Variants in THSD7A observed in about 807,000 individuals in gnomAD.
THSD7A encodes thrombospondin type 1 domain containing 7A.
Under a neutral mutation model 231.3 loss-of-function variants are expected in THSD7A, and 96 were observed. The observed-to-expected ratio is 0.41, with a 90% CI of 0.35 to 0.49. THSD7A has a LOEUF of 0.49. THSD7A is among the 20% of genes least tolerant of loss of function. The probability of loss-of-function intolerance (pLI) is 0.05; values close to 1 mark genes in which losing one functional copy is unlikely to be tolerated. For synonymous variants in THSD7A, 940 were observed against 743.3 expected, an observed-to-expected ratio of 1.26 and a Z score of -4.30; for missense variants, 2,290 against 2,070.2, an observed-to-expected ratio of 1.11 and a Z score of -2.06.
chr7:11,743,687 G>C (rs1287394082), intron 1 of THSD7A, among the ~76,000 whole-genome samples: 1 of 141,474 alleles, frequency 7.1e-6, no homozygotes, highest in East Asian at 2.0e-4. Flanking sequence ...TTAACTCCAG[G>C]ACAATACTCT....
Position 11,644,657 on chromosome 7 carries a change from TTAAATC to T in THSD7A, c.191-7702_191-7697del, listed in dbSNP as rs1782213549. Among the ~76,000 whole-genome samples the T allele has an allele frequency of 1.3e-5, 2 of 151,962 alleles. 1 individual carries two copies. Among genetic ancestry groups the T allele is most frequent in the African/African-American group, 4.8e-5 (2 of 41,420 alleles). On this transcript the variant is annotated intron_variant, in intron 1 of 27. Coordinates refer to ENST00000423059, the MANE Select transcript of THSD7A (RefSeq NM_015204.3). ...CATGTACAAAATTAGAACAGGCTGT[TTAAATC>T]TGATGAGAAAATGAATGAGGAATCA...
intron 13 of THSD7A, among the ~76,000 whole-genome samples, chr7:11,439,361 G>A (rs184005110): frequency 3.3e-5 from 5 of 151,964 alleles, no homozygotes; most frequent in East Asian, 1.9e-4. Context: ...CAAATCTATC[G>A]GTGCCATTTT....
Position 11,481,860 on chromosome 7 carries a change from T to A in THSD7A, c.1945A>T (p.Thr649Ser), listed in dbSNP as rs775325371. The part of the protein sequence containing the change: ...TWSTWSSCSH[T>S]CSGKTTEGKQ... ...CCTTCTGTCGTTTTCCCTGAGCAGG[T>A]GTGTGAGCAGGAGGACCACGTAGAC... The change falls in exon 7 of 28, where the codon ACC becomes TCC. Residue 649 changes from threonine to serine, a missense_variant. By Grantham distance (58) the Thr-to-Ser change is moderately conservative. Coordinates refer to ENST00000423059, the MANE Select transcript of THSD7A (RefSeq NM_015204.3). 1.9e-6 allele frequency: 3 copies of A among 1,613,652 alleles called. No homozygotes were observed. Among genetic ancestry groups the A allele is most frequent in the East Asian group, 4.5e-5 (2 of 44,840 alleles).
chr7:11,440,811 A>G (rs967869774), intron 13 of THSD7A, among the ~76,000 whole-genome samples: 1 of 152,078 alleles, frequency 6.6e-6, no homozygotes, highest in Admixed American at 6.6e-5. Context: ...TGTTGAAATG[A>G]CAACAAAGAA....
At chr7:11,486,514 C>T (rs895760839) in intron 6 of THSD7A, among the ~76,000 whole-genome samples, 2 of 152,144 alleles carry the variant, frequency 1.3e-5, no homozygotes, top group Admixed American at 6.6e-5. Context: ...AAGTGTGCAT[C>T]CCATTAAATC....
At chr7:11,754,559 T>C (rs1782614312) in intron 1 of THSD7A, among the ~76,000 whole-genome samples, 1 of 152,156 alleles carries the variant, frequency 6.6e-6, no homozygotes, top group South Asian at 2.1e-4. Context: ...TGGAAAGCGC[T>C]TTTCTTAATG....
Position 11,623,259 on chromosome 7 carries a change from G to A in THSD7A, c.1022+12871C>T, listed in dbSNP as rs542698006. Among the ~76,000 whole-genome samples the A allele has an allele frequency of 2.0e-5, 3 of 152,252 alleles. No homozygotes were observed. The South Asian group carries it at 6.2e-4, about 32-fold the overall frequency. On this transcript the variant is annotated intron_variant, in intron 2 of 27. Coordinates refer to ENST00000423059, the MANE Select transcript of THSD7A (RefSeq NM_015204.3). ...GAACATGAGATTCCTCAGTCCATGA[G>A]TCAGCTCACTCCTCTTCCCACTTAG...
At chr7:11,670,733 T>A (rs1783351896) in intron 1 of THSD7A, among the ~76,000 whole-genome samples, 1 of 152,134 alleles carries the variant, frequency 6.6e-6, no homozygotes, top group Non-Finnish European at 1.5e-5. Context: ...TATTTCAAAG[T>A]CTCTATTATA....
At chr7:11,734,399 C>T (rs1288567386) in intron 1 of THSD7A, among the ~76,000 whole-genome samples, 2 of 151,894 alleles carry the variant, frequency 1.3e-5, no homozygotes, top group Non-Finnish European at 2.9e-5. Context: ...TCAATTCAAA[C>T]TATTTAATTT....
At chr7:11,606,475 T>TA (rs1780737469) in intron 2 of THSD7A, among the ~76,000 whole-genome samples, 1 of 152,128 alleles carries the variant, frequency 6.6e-6, no homozygotes, top group Non-Finnish European at 1.5e-5. Flanking sequence ...TGTACTGTGA[T>TA]AAGCTTGTAT....
chr7:11,572,531 A>T lies in THSD7A; in HGVS notation c.1453+17929T>A, dbSNP rs894285899. Reference sequence around the variant, plus strand: ...TGTTTAGTAGTTTCTTTTTGGGGGGACAGGGTCTCACTTGCTGCCCAGGCT... The same window carrying T: ...TGTTTAGTAGTTTCTTTTTGGGGGGTCAGGGTCTCACTTGCTGCCCAGGCT... On this transcript the variant is annotated intron_variant, in intron 4 of 27. Coordinates refer to ENST00000423059, the MANE Select transcript of THSD7A (RefSeq NM_015204.3). Among the ~76,000 whole-genome samples, 3 of 151,200 alleles carry T rather than the reference A, an allele frequency of 2.0e-5. No homozygotes were observed. The East Asian group carries it at 5.9e-4, about 30-fold the overall frequency.
chr7:11,452,046 T>G (rs999891059), intron 11 of THSD7A, among the ~76,000 whole-genome samples: 8 of 152,002 alleles, frequency 5.3e-5, no homozygotes, highest in Non-Finnish European at 1.0e-4. Context: ...TTGGATTATA[T>G]GTAGCAAATG....
chr7:11,776,129 A>T (rs896671206), intron 1 of THSD7A, among the ~76,000 whole-genome samples: 5 of 152,206 alleles, frequency 3.3e-5, no homozygotes, highest in Non-Finnish European at 7.3e-5. Flanking sequence ...ATGCACTTTC[A>T]ATGAAGCAAA....
chr7:11,482,339 C>CT (rs917516780), intron 6 of THSD7A, among the ~76,000 whole-genome samples: 5 of 152,112 alleles, frequency 3.3e-5, no homozygotes, highest in African/African-American at 1.2e-4. Flanking sequence ...TCCCCTCTTT[C>CT]TTTTTTGGAG....
intron 1 of THSD7A, among the ~76,000 whole-genome samples, chr7:11,800,700 T>C (rs1337807310): frequency 6.6e-6 from 1 of 152,128 alleles, no homozygotes; most frequent in African/African-American, 2.4e-5. Flanking sequence ...AAGCAGAGAA[T>C]AGAATTTTGG....
intron 1 of THSD7A, among the ~76,000 whole-genome samples, chr7:11,704,985 T>A (rs1336627458): frequency 6.6e-6 from 1 of 151,134 alleles, no homozygotes; most frequent in Non-Finnish European, 1.5e-5. Flanking sequence ...ATATTTGAAA[T>A]GATAATCATC....
At chr7:11,471,509 C>A (rs1034579746) in intron 8 of THSD7A, among the ~76,000 whole-genome samples, 1 of 151,884 alleles carries the variant, frequency 6.6e-6, no homozygotes, top group Non-Finnish European at 1.5e-5. Flanking sequence ...TGTAAATTTT[C>A]TTCTTCATAC....
chr7:11,682,824 G>A (rs556571010), intron 1 of THSD7A, among the ~76,000 whole-genome samples: 7 of 151,786 alleles, frequency 4.6e-5, no homozygotes, highest in African/African-American at 1.7e-4. Context: ...TCTGCACATA[G>A]AACATATTCT....
In THSD7A at chr7:11,590,449, G is replaced by A; in HGVS notation, c.1453+11C>T. The A allele has an allele frequency of 6.2e-7, 1 of 1,604,762 alleles. No individual in the cohort carries two copies. The highest frequency in any genetic ancestry group is 8.5e-7 in the Non-Finnish European group (1 of 1,175,280). ...TCATAAGTGAATCCTTGAGAAGAAA[G>A]CAAAGGTTACCTTCTTTGTTCTTGT... On this transcript the variant is annotated intron_variant, in intron 4 of 27. Transcript: ENST00000423059. The surrounding 1 kb of genome is among the most constrained non-coding windows in gnomAD (Gnocchi z 4.4).
Sources: allele counts gnomAD v4.1 joint callset (sites outside exome capture counted in the v4.1 genomes callset), GRCh38; gene constraint gnomAD v4.1.1; non-coding constraint Gnocchi (gnomAD v3.1); transcripts MANE v1.5; gene names NCBI Gene and HGNC (gene_info 2026-07-23, HGNC 2026-07-21).